BBS9: variants seen among roughly 807,000 people sequenced by gnomAD.
BBS9 encodes Bardet-Biedl syndrome 9.
In BBS9, 89 loss-of-function variants were observed where a neutral mutation model predicts 117.7. The ratio of observed to expected loss-of-function variants is 0.76; its 90% confidence interval spans 0.64 to 0.90. BBS9 has a LOEUF of 0.90. Ranked by LOEUF, BBS9 falls within the 40% of genes least tolerant of loss-of-function variation. The probability of loss-of-function intolerance (pLI) is 0.00; values close to 1 mark genes in which losing one functional copy is unlikely to be tolerated. For missense variants in BBS9, 982 were observed against 1,042.2 expected, an observed-to-expected ratio of 0.94 and a Z score of 0.80; for synonymous variants, 379 against 370.9, an observed-to-expected ratio of 1.02 and a Z score of -0.25.
chr7:33,614,074 A>G (rs1227599497), intron 21 of BBS9, among the ~76,000 whole-genome samples: 1 of 152,042 alleles, frequency 6.6e-6, no homozygotes, highest in Non-Finnish European at 1.5e-5. Context: ...TGAAAACAGA[A>G]ATCCTGAGAG....
intron 20 of BBS9, among the ~76,000 whole-genome samples, chr7:33,532,509 G>C (rs1850744549): frequency 6.6e-6 from 1 of 152,234 alleles, no homozygotes; most frequent in East Asian, 1.9e-4. Flanking sequence ...AGGGCAGCAG[G>C]AGAGAGAATG....
intron 21 of BBS9, among the ~76,000 whole-genome samples, chr7:33,536,619 G>T (rs1851407678): frequency 1.2e-5 from 1 of 82,292 alleles, no homozygotes; most frequent in East Asian, 3.1e-4. Context: ...ACAGACCACA[G>T]TGGTACAGAT....
chr7:33,608,461 T>C (rs1864698180), downstream of BBS9, among the ~76,000 whole-genome samples: 1 of 152,148 alleles, frequency 6.6e-6, no homozygotes, highest in Non-Finnish European at 1.5e-5. Flanking sequence ...ATCTCCAAAC[T>C]GCTGTCTACA....
rs1427525818 is a variant in BBS9 at position 33,146,274 on chromosome 7, G to A, written c.22G>A (p.Asp8Asn). 6.2e-7 allele frequency: 1 copy of A among 1,613,876 alleles called. No individual in the cohort carries two copies. The highest frequency in any genetic ancestry group is 1.7e-5 in the Admixed American group (1 of 60,020). ...GAAAATGTCTTTATTTAAAGCCCGTGATTGGTGGTCTACTATTCTGGGAGA... is the reference window on the plus strand; with the variant it reads ...GAAAATGTCTTTATTTAAAGCCCGTAATTGGTGGTCTACTATTCTGGGAGA... MSLFKAR[D>N]WWSTILGDKE... The change falls in exon 2 of 23, where the codon GAT becomes AAT. Residue 8 changes from aspartate (D) to asparagine (N), a missense_variant. Coordinates refer to ENST00000242067, the MANE Select transcript of BBS9 (RefSeq NM_198428.3).
rs370757313 is a variant in BBS9 at position 33,360,358 on chromosome 7, T to C, written c.1693+2363T>C. 2.6e-3 allele frequency among the ~76,000 whole-genome samples: 394 copies of C among 152,142 alleles called. 10 individuals are homozygous for C. The South Asian group carries it at 0.045, about 17-fold the overall frequency. Reference sequence around the variant, plus strand: ...GAATACCAGTTAACCCTAACAACAATGTTTGAATAAAGGCGTCCAGTACCC... The same window carrying C: ...GAATACCAGTTAACCCTAACAACAACGTTTGAATAAAGGCGTCCAGTACCC... On this transcript the variant is annotated intron_variant, in intron 16 of 22. Transcript: ENST00000242067.
intron 19 of BBS9, among the ~76,000 whole-genome samples, chr7:33,492,627 G>T (rs1315430279): frequency 6.6e-6 from 1 of 152,122 alleles, no homozygotes; most frequent in East Asian, 1.9e-4. Context: ...CTTGAATGTT[G>T]TTCTGAACCA....
intron 19 of BBS9, among the ~76,000 whole-genome samples, chr7:33,430,482 T>C (rs1022022806): frequency 6.6e-6 from 1 of 152,228 alleles, no homozygotes; most frequent in African/African-American, 2.4e-5. Flanking sequence ...TAAGTGTTTG[T>C]TGTATAGAGG....
At chr7:33,242,202 AT>A (rs906143421) in intron 5 of BBS9, among the ~76,000 whole-genome samples, 7 of 151,514 alleles carry the variant, frequency 4.6e-5, no homozygotes, top group African/African-American at 1.7e-4. Context: ...CCTAGGATAG[AT>A]TTTTTTTTCC....
Position 33,445,981 on chromosome 7 carries a change from C to A in BBS9, c.2115+57837C>A, listed in dbSNP as rs551150744. Among the ~76,000 whole-genome samples the A allele has an allele frequency of 4.6e-5, 7 of 152,284 alleles. No homozygotes were observed. The South Asian group carries it at 1.5e-3, about 32-fold the overall frequency. On this transcript the variant is annotated intron_variant, in intron 19 of 22. Coordinates refer to ENST00000242067, the MANE Select transcript of BBS9 (RefSeq NM_198428.3). Reference sequence around the variant, plus strand: ...TAAATTACCCTGTCTCAAGTAGTATCATTAGAGCAGTGTGAAAACGGACTA... The same window carrying A: ...TAAATTACCCTGTCTCAAGTAGTATAATTAGAGCAGTGTGAAAACGGACTA...
intron 21 of BBS9, among the ~76,000 whole-genome samples, chr7:33,548,213 A>G (rs962464603): frequency 1.3e-5 from 2 of 152,180 alleles, no homozygotes; most frequent in African/African-American, 2.4e-5. Context: ...TAATTTGGGG[A>G]AAAAATCTGT....
intron 21 of BBS9, among the ~76,000 whole-genome samples, chr7:33,589,426 C>A (rs1261295783): frequency 6.6e-6 from 1 of 152,068 alleles, no homozygotes; most frequent in Non-Finnish European, 1.5e-5. Context: ...TTGCAGGTAA[C>A]TTAAACTGCA....
rs567391271 is a variant in BBS9 at position 33,307,764 on chromosome 7, G to A, written c.1017-28677G>A. Among the ~76,000 whole-genome samples the A allele has an allele frequency of 2.6e-3, 351 of 134,674 alleles. 2 individuals are homozygous for A. The highest frequency in any genetic ancestry group is 8.8e-3 in the African/African-American group (332 of 37,572). The allele number at this position is 134,674 out of a possible 152,430, so 88.4% of individuals were successfully genotyped here. A position where few individuals can be genotyped will look rare whatever the true frequency, so the allele number is the denominator to read the frequency against. On this transcript the variant is annotated intron_variant, in intron 9 of 22. Coordinates refer to ENST00000242067, the MANE Select transcript of BBS9 (RefSeq NM_198428.3). ...AAGTCTTTGCGTGTTCAGTGCAGATGCAGCCATCTTTTTTTTTTTTTTAGT... is the reference window on the plus strand; with the variant it reads ...AAGTCTTTGCGTGTTCAGTGCAGATACAGCCATCTTTTTTTTTTTTTTAGT...
chr7:33,371,619 G>A (rs902750537), intron 17 of BBS9, among the ~76,000 whole-genome samples: 3 of 152,064 alleles, frequency 2.0e-5, no homozygotes, highest in African/African-American at 7.2e-5. Flanking sequence ...AGGGTTTGAG[G>A]AATAGGCCTT....
intron 4 of BBS9, among the ~76,000 whole-genome samples, chr7:33,163,949 C>A (rs1159467693): frequency 6.6e-6 from 1 of 152,150 alleles, no homozygotes; most frequent in Non-Finnish European, 1.5e-5. Flanking sequence ...ATCTTTCCTG[C>A]TTTCTCTTGT....
chr7:33,384,075 C>A (rs902353136), intron 18 of BBS9, among the ~76,000 whole-genome samples: 1 of 152,196 alleles, frequency 6.6e-6, no homozygotes, highest in Non-Finnish European at 1.5e-5. Context: ...TGGAACAGAG[C>A]TGATTTAATT....
At chr7:33,616,423 T>C (rs748757691) in intron 21 of BBS9, among the ~76,000 whole-genome samples, 8 of 149,500 alleles carry the variant, frequency 5.4e-5, no homozygotes, top group Non-Finnish European at 1.0e-4. Flanking sequence ...GTATTGTAGA[T>C]ATACTAGGGC....
At chr7:33,421,624 C>A (rs1209632554) in intron 19 of BBS9, among the ~76,000 whole-genome samples, 1 of 152,230 alleles carries the variant, frequency 6.6e-6, no homozygotes, top group South Asian at 2.1e-4. Flanking sequence ...ATACTCTTGT[C>A]TTTTCTTAGT....
intron 21 of BBS9, among the ~76,000 whole-genome samples, chr7:33,548,280 TTTAA>T (rs1211432956): frequency 1.2e-4 from 18 of 152,218 alleles, no homozygotes; most frequent in Admixed American, 1.1e-3. Flanking sequence ...TTCTTATTTC[TTTAA>T]TTGTCATGTA....
At chr7:33,515,368 GT>G (rs35823626) in intron 20 of BBS9, among the ~76,000 whole-genome samples, 14,191 of 152,172 alleles carry the variant, frequency 0.093, 2,168 homozygotes, top group African/African-American at 0.32. Flanking sequence ...TCATCGCTGT[GT>G]TTTTCCATGT....
Sources: gnomAD v4.1 joint callset for allele counts (sites outside exome capture counted in the v4.1 genomes callset) on GRCh38, gnomAD v4.1.1 for gene constraint, MANE v1.5 for transcripts, NCBI Gene and HGNC (gene_info 2026-07-23, HGNC 2026-07-21) for gene names.